FGF12: variants seen among roughly 807,000 people sequenced by gnomAD.
FGF12 encodes the protein fibroblast growth factor 12B.
In FGF12, 14 loss-of-function variants were observed where a neutral mutation model predicts 23.6. That is an observed-to-expected ratio of 0.59 (90% CI 0.39 to 0.93). FGF12 has a LOEUF of 0.93. FGF12 is among the 40% of genes least tolerant of loss of function. FGF12 has a pLI of 0.00. For missense variants in FGF12, 175 were observed against 217.8 expected, an observed-to-expected ratio of 0.80 and a Z score of 1.24; for synonymous variants, 62 against 77.3, an observed-to-expected ratio of 0.80 and a Z score of 1.04.
At chr3:192,511,557 G>GA (rs1173206300) in intron 2 of FGF12, among the ~76,000 whole-genome samples, 1 of 152,062 alleles carries the variant, frequency 6.6e-6, no homozygotes, top group Non-Finnish European at 1.5e-5. Context: ...TATCTCTAGA[G>GA]AAAAATGAAC....
At chr3:192,200,901 G>T (rs1435395522) in intron 4 of FGF12, among the ~76,000 whole-genome samples, 1 of 149,102 alleles carries the variant, frequency 6.7e-6, no homozygotes, top group African/African-American at 2.6e-5. Flanking sequence ...CCAGGCTTTT[G>T]TGTGAAAAAA....
intron 4 of FGF12, among the ~76,000 whole-genome samples, chr3:192,314,265 G>A (rs1383284734): frequency 1.3e-5 from 2 of 150,944 alleles, no homozygotes; most frequent in South Asian, 2.1e-4. Flanking sequence ...AAAGTATATT[G>A]CTTAAAATTA....
At chr3:192,628,604 T>C (rs1440134281) in intron 2 of FGF12, among the ~76,000 whole-genome samples, 2 of 150,146 alleles carry the variant, frequency 1.3e-5, no homozygotes, top group Non-Finnish European at 3.0e-5. Flanking sequence ...GGGCAGCAAA[T>C]AGATGGAGGA....
intron 5 of FGF12, among the ~76,000 whole-genome samples, chr3:192,158,389 TTCTC>T (rs1222434355): frequency 1.1e-4 from 10 of 93,296 alleles, no homozygotes; most frequent in South Asian, 3.8e-4. Context: ...TTTCTTTTCT[TTCTC>T]TCTCTTTCTT....
chr3:192,613,158 CTTG>C (rs1271023684), intron 2 of FGF12, among the ~76,000 whole-genome samples: 1 of 151,820 alleles, frequency 6.6e-6, no homozygotes, highest in Non-Finnish European at 1.5e-5. Flanking sequence ...CAGTGGAAAG[CTTG>C]TTGAAGTCAA....
chr3:192,505,976 T>C (rs965582889), intron 2 of FGF12, among the ~76,000 whole-genome samples: 1 of 152,226 alleles, frequency 6.6e-6, no homozygotes, highest in African/African-American at 2.4e-5. Context: ...TTCTGATGCA[T>C]GCATACTGAA....
chr3:192,664,938 G>A (rs894657541), intron 2 of FGF12, among the ~76,000 whole-genome samples: 9 of 152,260 alleles, frequency 5.9e-5, no homozygotes, highest in East Asian at 5.8e-4. Flanking sequence ...CTACCCAGTA[G>A]AGAAGAACTA....
chr3:192,524,998 A>G (rs909407751), intron 2 of FGF12, among the ~76,000 whole-genome samples: 10 of 152,138 alleles, frequency 6.6e-5, no homozygotes, highest in Non-Finnish European at 2.9e-5. Context: ...TGATCACTCT[A>G]TTTCAAGAAA....
intron 2 of FGF12, among the ~76,000 whole-genome samples, chr3:192,614,114 G>A (rs1174194423): frequency 1.3e-5 from 2 of 151,850 alleles, no homozygotes; most frequent in Admixed American, 6.6e-5. Context: ...GGGTGAAAAC[G>A]TGTGTTCAAT....
intron 2 of FGF12, among the ~76,000 whole-genome samples, chr3:192,410,915 T>A (rs9878179): frequency 6.6e-6 from 1 of 152,064 alleles, no homozygotes; most frequent in East Asian, 1.9e-4. Flanking sequence ...ACCCTCCATT[T>A]ATGCTAAAGT....
At chr3:192,643,655 A>G (rs1715887508) in intron 2 of FGF12, among the ~76,000 whole-genome samples, 1 of 152,070 alleles carries the variant, frequency 6.6e-6, no homozygotes, top group Admixed American at 6.5e-5. Context: ...TTCTTAATGA[A>G]CTTTATTAGT....
intron 2 of FGF12, among the ~76,000 whole-genome samples, chr3:192,586,501 C>G (rs1713379809): frequency 6.6e-6 from 1 of 152,248 alleles, no homozygotes; most frequent in East Asian, 1.9e-4. Flanking sequence ...TGTAGTTATA[C>G]AATCAGCTAT....
intron 4 of FGF12, among the ~76,000 whole-genome samples, chr3:192,254,287 C>T (rs1163240541): frequency 6.6e-6 from 1 of 151,740 alleles, no homozygotes; most frequent in East Asian, 1.9e-4. Flanking sequence ...CTTTCTGTGC[C>T]TGGCTTATTT....
chr3:192,294,107 C>G (rs1379858137), intron 4 of FGF12, among the ~76,000 whole-genome samples: 2 of 152,166 alleles, frequency 1.3e-5, no homozygotes, highest in Non-Finnish European at 2.9e-5. Context: ...TCACTTTTCT[C>G]TCATTCTCTC....
intron 2 of FGF12, among the ~76,000 whole-genome samples, chr3:192,488,886 A>G (rs1451095909): frequency 6.6e-6 from 1 of 152,132 alleles, no homozygotes; most frequent in Non-Finnish European, 1.5e-5. Context: ...AACTGATTTC[A>G]TGACAAATTA....
At chr3:192,264,090 C>A (rs1359391808) in intron 4 of FGF12, among the ~76,000 whole-genome samples, 1 of 152,114 alleles carries the variant, frequency 6.6e-6, no homozygotes, top group East Asian at 1.9e-4. Context: ...ATGAATCAAT[C>A]CTCCCATCAA....
At chr3:192,440,520 T>G (rs1018320493) in intron 2 of FGF12, among the ~76,000 whole-genome samples, 3 of 152,206 alleles carry the variant, frequency 2.0e-5, no homozygotes, top group African/African-American at 7.2e-5. Flanking sequence ...GTAGCGATAC[T>G]GCCAACAGAC....
chr3:192,677,424 A>T (rs990321475), intron 2 of FGF12, among the ~76,000 whole-genome samples: 2 of 152,206 alleles, frequency 1.3e-5, no homozygotes, highest in Non-Finnish European at 2.9e-5. Flanking sequence ...ATGCTGTCAG[A>T]GTTCTGGCCC....
intron 2 of FGF12, among the ~76,000 whole-genome samples, chr3:192,707,334 T>A (rs927285880): frequency 6.6e-6 from 1 of 152,168 alleles, no homozygotes; most frequent in East Asian, 1.9e-4. Context: ...GCTGGCTTCA[T>A]GGGAGCTGAC....
Sources: gnomAD v4.1 joint callset for allele counts (sites outside exome capture counted in the v4.1 genomes callset) on GRCh38, gnomAD v4.1.1 for gene constraint, MANE v1.5 for transcripts, NCBI Gene and HGNC (gene_info 2026-07-23, HGNC 2026-07-21) for gene names.